Variants in NTAQ1 observed in about 807,000 individuals in gnomAD.
NTAQ1 encodes protein N-terminal glutamine amidohydrolase.
In NTAQ1, 21 loss-of-function variants were observed where a neutral mutation model predicts 28.2. That is an observed-to-expected ratio of 0.74 (90% CI 0.53 to 1.07). NTAQ1 has a LOEUF of 1.07. Ranked by LOEUF, NTAQ1 falls within the 50% of genes least tolerant of loss-of-function variation. The pLI, the probability that NTAQ1 is intolerant of heterozygous loss-of-function variation, is 0.00. For missense variants in NTAQ1, 264 were observed against 256.6 expected (o/e 1.03, Z -0.20); for synonymous variants, 105 against 90.0 (o/e 1.17, Z -0.94).
chr8:123,451,708 A>C (rs1444158081), downstream of NTAQ1, among the ~76,000 whole-genome samples: 1 of 152,264 alleles, frequency 6.6e-6, no homozygotes, highest in East Asian at 1.9e-4. Context: ...ACTGTAATAC[A>C]GTGTCTTGGT....
rs200183331 is a variant in NTAQ1 at position 123,430,011 on chromosome 8, C to T, written c.212C>T (p.Pro71Leu). The T allele has an allele frequency of 1.5e-4, 241 of 1,612,850 alleles. No individual in the cohort carries two copies. The highest frequency in any genetic ancestry group is 2.0e-4 in the Non-Finnish European group (235 of 1,179,512). ...MIPIWKQQAR[P>L]GDGPVIWDYH... The stretch of plus-strand genomic sequence containing the variant: ...CCTATCTGGAAACAACAGGCGAGAC[C>T]TGGAGATGGACCTGTGATCTGGGTA... Residue 71 changes from proline (P) to leucine (L), a missense_variant, in exon 3 of 6, where the codon CCT becomes CTT. Transcript: ENST00000287387.
chr8:123,438,957 G>A (rs1814882998), intron 5 of NTAQ1, among the ~76,000 whole-genome samples: 1 of 152,138 alleles, frequency 6.6e-6, no homozygotes, highest in Admixed American at 6.6e-5. Context: ...GCCTGGTCTG[G>A]CCACAGTGTG....
At chr8:123,426,097 C>T (rs776626804) in intron 1 of NTAQ1, among the ~76,000 whole-genome samples, 1 of 152,162 alleles carries the variant, frequency 6.6e-6, no homozygotes, top group Non-Finnish European at 1.5e-5. Context: ...GTTAGTGTAC[C>T]TCATTTTGAG....
downstream of NTAQ1, among the ~76,000 whole-genome samples, chr8:123,446,536 T>TCTGTCTGTACA (rs1554657091): frequency 6.6e-6 from 1 of 151,900 alleles, no homozygotes; most frequent in East Asian, 1.9e-4. Context: ...CTCCTCCCTC[T>TCTGTCTGTACA]GGAGAGCTTT....
chr8:123,441,811 A>C lies in NTAQ1; in HGVS notation c.*396A>C, dbSNP rs1363814231. On this transcript the variant is annotated 3_prime_UTR_variant, in exon 6 of 6. Transcript: ENST00000287387. Reference sequence around the variant, plus strand: ...AGGGCCATGGCCCATTGCTCTGTGAATCTCAAATGCCCATAAAAGGTGCCC... The same window carrying C: ...AGGGCCATGGCCCATTGCTCTGTGACTCTCAAATGCCCATAAAAGGTGCCC... 5.8e-6 allele frequency: 1 copy of C among 173,178 alleles called. No homozygotes were observed. Among genetic ancestry groups the C allele is most frequent in the Non-Finnish European group, 1.2e-5 (1 of 80,446 alleles). 10.7% of individuals were successfully genotyped at this position (173,178 alleles called of 1,614,324 possible).
intron 3 of NTAQ1, among the ~76,000 whole-genome samples, chr8:123,430,246 G>A (rs1814316495): frequency 6.6e-6 from 1 of 152,174 alleles, no homozygotes; most frequent in East Asian, 1.9e-4. Flanking sequence ...AATTATTATA[G>A]GAATGATTTT....
Position 123,416,922 on chromosome 8 carries a change from A to G in NTAQ1, c.73A>G (p.Ser25Gly). Reference protein sequence around the residue: ...SPPRDACVYSSCYCEENIWKL... With the variant: ...SPPRDACVYSGCYCEENIWKL... ...CCCGCGGGACGCCTGCGTCTACAGC[A>G]GCTGCTACTGGTGAGGGGGCGCGGG... is the stretch of plus-strand genomic sequence containing the variant. Residue 25 changes from serine (S) to glycine (G), a missense_variant, in exon 1 of 6, where the codon AGC becomes GGC. Coordinates refer to ENST00000287387, the MANE Select transcript of NTAQ1 (RefSeq NM_018024.3). The G allele has an allele frequency of 6.6e-7, 1 of 1,509,242 alleles. No homozygotes were observed. The allele number at this position is 1,509,242 out of a possible 1,614,324, so 93.5% of individuals were successfully genotyped here.
At chr8:123,438,311 G>C (rs371947007) in intron 5 of NTAQ1, 1 of 633,420 alleles carries the variant, frequency 1.6e-6, no homozygotes. Context: ...CTGTGTGAAA[G>C]TGCTCTGTGA....
intron 6 of NTAQ1, among the ~76,000 whole-genome samples, chr8:123,457,868 T>C: frequency 6.6e-6 from 1 of 151,776 alleles, no homozygotes; most frequent in Admixed American, 6.6e-5. Context: ...ACTGCATCTC[T>C]GCTAAAAACA....
chr8:123,423,400 T>TCCTTTCCCTCCTTTTCCTC (rs1813847499), intron 1 of NTAQ1, among the ~76,000 whole-genome samples: 2 of 150,022 alleles, frequency 1.3e-5, no homozygotes, highest in Admixed American at 6.8e-5. Context: ...TCCTTTTCCT[T>TCCTTTCCCTCCTTTTCCTC]CCTTTCCCTC....
intron 1 of NTAQ1, among the ~76,000 whole-genome samples, chr8:123,427,195 C>T (rs1814109433): frequency 6.6e-6 from 1 of 150,630 alleles, no homozygotes; most frequent in African/African-American, 2.4e-5. Context: ...ATGATTATGC[C>T]CATTTTACAC....
At chr8:123,463,880 C>T (rs935607931) in intron 6 of NTAQ1, among the ~76,000 whole-genome samples, 12 of 152,114 alleles carry the variant, frequency 7.9e-5, no homozygotes, top group Admixed American at 2.0e-4. Flanking sequence ...ATAATTCCTA[C>T]TTGTCGTGGG....
chr8:123,429,560 G>A (rs1008744759), intron 2 of NTAQ1, among the ~76,000 whole-genome samples: 7 of 152,002 alleles, frequency 4.6e-5, no homozygotes, highest in Admixed American at 2.0e-4. Context: ...TCCAGCCAGG[G>A]CAGCATCACA....
intron 3 of NTAQ1, among the ~76,000 whole-genome samples, chr8:123,436,157 A>G (rs536513853): frequency 6.9e-6 from 1 of 144,594 alleles, no homozygotes; most frequent in South Asian, 2.3e-4. Flanking sequence ...TGACGAGAGT[A>G]AGACTCCATC....
At chr8:123,439,383 C>T (rs1320010310) in intron 5 of NTAQ1, among the ~76,000 whole-genome samples, 9 of 150,376 alleles carry the variant, frequency 6.0e-5, no homozygotes, top group Non-Finnish European at 8.9e-5. Context: ...CACTCTGTCA[C>T]CCACGCTGGA....
Position 123,440,568 on chromosome 8 carries a change from T to C in NTAQ1, c.509-738T>C, listed in dbSNP as rs371440142. On this transcript the variant is annotated intron_variant, in intron 5 of 5. Transcript: ENST00000287387. ...AGGCTGGAGTGAAGTGGCGTGATCT[T>C]GGCTCATTACACCCTCCAACTCCCA... 4.6e-5 allele frequency among the ~76,000 whole-genome samples: 7 copies of C among 151,866 alleles called. No homozygotes were observed. In the East Asian group the frequency reaches 1.4e-3, roughly 29 times the overall value.
chr8:123,426,847 C>A (rs1158664094), intron 1 of NTAQ1, among the ~76,000 whole-genome samples: 1 of 152,220 alleles, frequency 6.6e-6, no homozygotes, highest in Admixed American at 6.5e-5. Flanking sequence ...GTAATCCCAG[C>A]TACTCAGGAG....
At chr8:123,424,948 GA>G (rs1813953120) in intron 1 of NTAQ1, among the ~76,000 whole-genome samples, 1 of 152,126 alleles carries the variant, frequency 6.6e-6, no homozygotes, top group African/African-American at 2.4e-5. Context: ...ATAAGCTCTT[GA>G]AGGTATTTGC....
At chr8:123,433,905 CATT>C (rs1814542788) in intron 3 of NTAQ1, among the ~76,000 whole-genome samples, 1 of 142,732 alleles carries the variant, frequency 7.0e-6, no homozygotes, top group East Asian at 2.1e-4. Context: ...TTTCTTAAAA[CATT>C]ATGAAATTTT....
Sources: allele counts gnomAD v4.1 joint callset (sites outside exome capture counted in the v4.1 genomes callset), GRCh38; gene constraint gnomAD v4.1.1; transcripts MANE v1.5; gene names NCBI Gene and HGNC (gene_info 2026-07-23, HGNC 2026-07-21).